CSMD3: variants seen among roughly 807,000 people sequenced by gnomAD.
CSMD3 encodes the protein CUB and sushi domain-containing protein 3.
In CSMD3, 177 loss-of-function variants were observed where a neutral mutation model predicts 435.2. That is an observed-to-expected ratio of 0.41 (90% CI 0.36 to 0.46). The LOEUF is 0.46. CSMD3 is among the 20% of genes least tolerant of loss of function. The pLI is 0.34. For missense variants in CSMD3, 4,265 were observed against 4,504.6 expected, an observed-to-expected ratio of 0.95 and a Z score of 1.52; for synonymous variants, 1,656 against 1,520.5, an observed-to-expected ratio of 1.09 and a Z score of -2.07.
chr8:112,880,972 T>C (rs994052812), intron 10 of CSMD3, among the ~76,000 whole-genome samples: 17 of 152,076 alleles, frequency 1.1e-4, no homozygotes, highest in Admixed American at 2.0e-4. Flanking sequence ...CAATTGTATA[T>C]ATTTATTATG....
At position 112,904,251 on chromosome 8, in the gene CSMD3, T is replaced by C. The variant is rs369155304; in HGVS notation, c.1633+17376A>G. Among the ~76,000 whole-genome samples the C allele has an allele frequency of 6.1e-4, 92 of 151,524 alleles. No homozygotes were observed. The South Asian group carries it at 0.019, about 31-fold the overall frequency. On this transcript the variant is annotated intron_variant, in intron 10 of 70. Transcript: ENST00000297405. ...CTATGGTTAATGATGATATATTGTA[T>C]TCTTGGAAAATACTAAGACAGTGAA... is the stretch of plus-strand genomic sequence containing the variant.
chr8:112,767,232 G>C (rs186396755), intron 13 of CSMD3, among the ~76,000 whole-genome samples: 1 of 151,818 alleles, frequency 6.6e-6, no homozygotes, highest in African/African-American at 2.4e-5. Flanking sequence ...AAATGCCTCA[G>C]AAACAATATT....
At chr8:113,378,704 C>T (rs1301301730) in intron 1 of CSMD3, among the ~76,000 whole-genome samples, 3 of 151,920 alleles carry the variant, frequency 2.0e-5, no homozygotes, top group African/African-American at 7.3e-5. Flanking sequence ...GAGATATTGC[C>T]ACTCCCCACC....
intron 1 of CSMD3, among the ~76,000 whole-genome samples, chr8:113,347,273 C>T (rs910129325): frequency 6.6e-6 from 1 of 152,066 alleles, no homozygotes; most frequent in Non-Finnish European, 1.5e-5. Flanking sequence ...CAATATTTTC[C>T]CTTTTTTTCT....
chr8:112,371,908 C>CA (rs1321585502), intron 38 of CSMD3, among the ~76,000 whole-genome samples: 3 of 151,318 alleles, frequency 2.0e-5, no homozygotes, highest in Admixed American at 2.0e-4. Flanking sequence ...ACCAAAAAAA[C>CA]AAAAAACAAA....
intron 13 of CSMD3, among the ~76,000 whole-genome samples, chr8:112,761,919 G>A (rs1168387381): frequency 2.0e-5 from 3 of 151,930 alleles, no homozygotes; most frequent in Non-Finnish European, 4.4e-5. Context: ...AAATCTTGAA[G>A]GTGAATGTTT....
chr8:112,793,199 TTA>T (rs2078737673), intron 13 of CSMD3, among the ~76,000 whole-genome samples: 3 of 147,156 alleles, frequency 2.0e-5, no homozygotes, highest in African/African-American at 7.4e-5. Context: ...TATATAAATA[TTA>T]TATATAAATA....
At chr8:112,279,012 A>AC (rs1482240191) in intron 59 of CSMD3, among the ~76,000 whole-genome samples, 5 of 77,856 alleles carry the variant, frequency 6.4e-5, no homozygotes, top group African/African-American at 2.1e-4. Flanking sequence ...CCACCCCCAA[A>AC]AAACAACAAC....
chr8:113,322,801 A>C lies in CSMD3; in HGVS notation c.179-8008T>G, dbSNP rs183429005. ...TCGCTTTGTGCCCAGACTGGAGTGC[A>C]GTGGTGTGATCTCAACTCACTGCAA... On this transcript the variant is annotated intron_variant, in intron 1 of 70. Coordinates refer to ENST00000297405, the MANE Select transcript of CSMD3 (RefSeq NM_198123.2). Among the ~76,000 whole-genome samples the C allele has an allele frequency of 1.7e-3, 257 of 152,154 alleles. 2 individuals carry two copies. The highest frequency in any genetic ancestry group is 4.4e-3 in the East Asian group (23 of 5,180).
intron 3 of CSMD3, among the ~76,000 whole-genome samples, chr8:113,246,875 A>G (rs2093281418): frequency 6.6e-6 from 1 of 152,154 alleles, no homozygotes; most frequent in African/African-American, 2.4e-5. Flanking sequence ...AAATTCCTTG[A>G]ACCAGTAAAT....
intron 1 of CSMD3, among the ~76,000 whole-genome samples, chr8:113,398,977 T>C (rs1438580714): frequency 6.6e-6 from 1 of 150,962 alleles, no homozygotes; most frequent in Non-Finnish European, 1.5e-5. Context: ...TCAAAAATTG[T>C]CTTGTGCATA....
At position 113,275,031 on chromosome 8, in the gene CSMD3, C is replaced by T. The variant is rs182259969; in HGVS notation, c.514+3561G>A. The stretch of plus-strand genomic sequence containing the variant: ...AAATTTGTACAAATATACTGTATGT[C>T]CCCATAGAATTGAAATGCTTATATA... On this transcript the variant is annotated intron_variant, in intron 3 of 70. Transcript: ENST00000297405. Among the ~76,000 whole-genome samples, 999 of 152,038 alleles carry T rather than the reference C, an allele frequency of 6.6e-3. 11 individuals are homozygous for T. The highest frequency in any genetic ancestry group is 0.022 in the African/African-American group (898 of 41,484).
intron 36 of CSMD3, among the ~76,000 whole-genome samples, chr8:112,387,613 C>T (rs890942756): frequency 6.6e-6 from 1 of 151,622 alleles, no homozygotes; most frequent in African/African-American, 2.4e-5. Flanking sequence ...AATTAAAAGC[C>T]CCAAATGCTT....
At chr8:112,576,835 C>CATAT (rs5894088) in intron 23 of CSMD3, among the ~76,000 whole-genome samples, 2,104 of 71,550 alleles carry the variant, frequency 0.029, 47 homozygotes, top group African/African-American at 0.068. Context: ...AGGCAGCATA[C>CATAT]ATATATATAT....
intron 13 of CSMD3, among the ~76,000 whole-genome samples, chr8:112,797,892 T>A (rs2078865744): frequency 6.6e-6 from 1 of 151,914 alleles, no homozygotes; most frequent in Non-Finnish European, 1.5e-5. Flanking sequence ...TAGTATTACC[T>A]AATTTATATA....
chr8:112,266,464 C>G (rs953901867), intron 59 of CSMD3, among the ~76,000 whole-genome samples: 2 of 152,162 alleles, frequency 1.3e-5, no homozygotes, highest in Non-Finnish European at 2.9e-5. Flanking sequence ...TCCAAGCCCT[C>G]AGAATATGCT....
At chr8:113,087,101 C>A (rs987068223) in intron 5 of CSMD3, among the ~76,000 whole-genome samples, 1 of 152,116 alleles carries the variant, frequency 6.6e-6, no homozygotes, top group Non-Finnish European at 1.5e-5. Flanking sequence ...CTCCAAATTT[C>A]TCTTTGACTA....
chr8:112,289,528 A>G lies in CSMD3; in HGVS notation c.8985T>C (p.Cys2995=), dbSNP rs772668051. ...KPLPECIMID[C]GHPGVPPNAV... ...CATTAGGAGGAACGCCAGGGTGTCC[A>G]CAGTCAATCACTACAATACATAATT... The change falls in exon 57 of 71, where the codon TGT becomes TGC. Residue 2995 remains cysteine, a synonymous_variant. Transcript: ENST00000297405. 1.2e-6 allele frequency: 2 copies of G among 1,608,662 alleles called. No individual in the cohort carries two copies. Among genetic ancestry groups the G allele is most frequent in the South Asian group, 2.2e-5 (2 of 90,942 alleles).
intron 1 of CSMD3, among the ~76,000 whole-genome samples, chr8:113,434,804 G>A (rs962569130): frequency 5.9e-5 from 9 of 152,120 alleles, no homozygotes; most frequent in Non-Finnish European, 1.3e-4. Context: ...GCGGGCAGCC[G>A]GGGCTCTAAT....
Sources: gnomAD v4.1 joint callset for allele counts (sites outside exome capture counted in the v4.1 genomes callset) on GRCh38, gnomAD v4.1.1 for gene constraint, MANE v1.5 for transcripts, NCBI Gene and HGNC (gene_info 2026-07-23, HGNC 2026-07-21) for gene names.